AFF3: variants seen among roughly 807,000 people sequenced by gnomAD.
AFF3 encodes AF4/FMR2 family member 3.
AFF3 carries 32 observed loss-of-function variants against 129.7 expected under a neutral mutation model. The observed-to-expected ratio is 0.25, with a 90% CI of 0.19 to 0.33. The LOEUF (loss-of-function observed/expected upper bound fraction) is 0.33. AFF3 is among the 10% of genes least tolerant of loss of function. The probability of loss-of-function intolerance (pLI) is 1.00; values close to 1 mark genes in which losing one functional copy is unlikely to be tolerated. For synonymous variants in AFF3, 644 were observed against 635.4 expected, an observed-to-expected ratio of 1.01 and a Z score of -0.20; for missense variants, 1,373 against 1,592.0, an observed-to-expected ratio of 0.86 and a Z score of 2.34.
intron 4 of AFF3, among the ~76,000 whole-genome samples, chr2:100,018,116 C>T (rs998488962): frequency 6.6e-6 from 1 of 152,034 alleles, no homozygotes; most frequent in Non-Finnish European, 1.5e-5. Flanking sequence ...TGACACAGCA[C>T]TAGCAGTGAA....
At chr2:99,683,761 T>C (rs1674761620) in intron 11 of AFF3, among the ~76,000 whole-genome samples, 1 of 152,202 alleles carries the variant, frequency 6.6e-6, no homozygotes, top group East Asian at 1.9e-4. Context: ...TCTTAATTTC[T>C]CGACCACCTC....
intron 7 of AFF3, among the ~76,000 whole-genome samples, chr2:99,914,482 GACA>G (rs1234993148): frequency 3.9e-5 from 6 of 152,164 alleles, no homozygotes; most frequent in African/African-American, 1.4e-4. Flanking sequence ...CCATCATTAG[GACA>G]ACGTGAGAAA....
intron 8 of AFF3, among the ~76,000 whole-genome samples, chr2:99,773,115 ACT>A (rs1328006997): frequency 6.6e-6 from 1 of 152,110 alleles, no homozygotes; most frequent in South Asian, 2.1e-4. Context: ...CTTCAAGAAG[ACT>A]CACACTGTTC....
rs569599347 is a variant in AFF3 at position 100,033,568 on chromosome 2, C to T, written c.54-24636G>A. Among the ~76,000 whole-genome samples the T allele has an allele frequency of 2.6e-5, 4 of 152,134 alleles. No homozygotes were observed. In the South Asian group the frequency reaches 6.2e-4, roughly 24 times the overall value. On this transcript the variant is annotated intron_variant, in intron 4 of 24. Coordinates refer to ENST00000672756, the MANE Select transcript of AFF3 (RefSeq NM_001386135.1). ...TGACATTTCTATGAAACACAGAGTA[C>T]CTAATTGTAACTTAACATTTTAATT... is the stretch of plus-strand genomic sequence containing the variant.
intron 8 of AFF3, among the ~76,000 whole-genome samples, chr2:99,808,045 G>T (rs1010344706): frequency 3.4e-5 from 4 of 117,178 alleles, no homozygotes; most frequent in Non-Finnish European, 8.5e-5. Flanking sequence ...TCGCCAATGG[G>T]GTGAAGGGGA....
In AFF3 at chr2:99,593,438, C is replaced by T; in HGVS notation, c.2223G>A (p.Gln741=). 2 of 1,614,052 alleles carry T rather than the reference C, an allele frequency of 1.2e-6. No homozygotes were observed. The highest frequency in any genetic ancestry group is 8.5e-7 in the Non-Finnish European group (1 of 1,179,990). The change falls in exon 15 of 25, where the codon CAG becomes CAA. Residue 741 remains glutamine, a synonymous_variant. Transcript: ENST00000672756. ...TSDIAKELEE[Q]FYTLVPFGRN... The stretch of plus-strand genomic sequence containing the variant: ...GGCCAAAGGGGACCAGTGTGTAGAA[C>T]TGCTCCTCCAGCTCCTTGGCGATGT...
At chr2:99,855,650 G>A (rs551468326) in intron 7 of AFF3, among the ~76,000 whole-genome samples, 2 of 152,220 alleles carry the variant, frequency 1.3e-5, no homozygotes, top group Admixed American at 1.3e-4. Context: ...TAAATAAATA[G>A]GATAGGATAA....
At chr2:99,950,111 G>A (rs1676003405) in intron 7 of AFF3, among the ~76,000 whole-genome samples, 1 of 152,140 alleles carries the variant, frequency 6.6e-6, no homozygotes, top group Non-Finnish European at 1.5e-5. Flanking sequence ...CAGGAGGCAG[G>A]CAACAACACA....
chr2:99,633,013 G>A lies in AFF3; in HGVS notation c.1184+16613C>T, dbSNP rs145949825. ...GTCAAGGCCAATGGCGAATCATGTC[G>A]CTTTTTGTTTTTTTAGTGCGACTGT... On this transcript the variant is annotated intron_variant, in intron 13 of 24. Transcript: ENST00000672756. Among the ~76,000 whole-genome samples the A allele has an allele frequency of 3.9e-5, 6 of 152,162 alleles. No homozygotes were observed. In the East Asian group the frequency reaches 5.8e-4, roughly 15 times the overall value.
chr2:99,947,509 AAAAG>A (rs1443021526), intron 7 of AFF3, among the ~76,000 whole-genome samples: 2 of 103,644 alleles, frequency 1.9e-5, no homozygotes, highest in Non-Finnish European at 4.0e-5. Context: ...GAAAGAAAGA[AAAAG>A]AGAGAGAGAG....
rs924497437 is a variant in AFF3 at position 99,941,642 on chromosome 2, A to C, written c.873+64990T>G. 2.6e-5 allele frequency among the ~76,000 whole-genome samples: 4 copies of C among 152,336 alleles called. 1 individual carries two copies. In the South Asian group the frequency reaches 6.2e-4, roughly 24 times the overall value. Reference sequence around the variant, plus strand: ...TGTTCAATGAGATCAAAGAAGCTCTATCTGGGGGCTTCTTACAAAGCTTCC... The same window carrying C: ...TGTTCAATGAGATCAAAGAAGCTCTCTCTGGGGGCTTCTTACAAAGCTTCC... On this transcript the variant is annotated intron_variant, in intron 7 of 24. Transcript: ENST00000672756.
At chr2:99,708,447 G>A (rs188285726) in intron 11 of AFF3, among the ~76,000 whole-genome samples, 2 of 152,232 alleles carry the variant, frequency 1.3e-5, no homozygotes, top group East Asian at 1.9e-4. Flanking sequence ...GGTCTCACTC[G>A]GTGTCAGGCC....
chr2:99,680,220 T>C (rs947300864), intron 11 of AFF3, among the ~76,000 whole-genome samples: 1 of 152,140 alleles, frequency 6.6e-6, no homozygotes, highest in Non-Finnish European at 1.5e-5. Flanking sequence ...ATATACTCTA[T>C]CATTTCTATC....
At chr2:99,746,519 A>G (rs891622129) in intron 9 of AFF3, among the ~76,000 whole-genome samples, 6 of 152,218 alleles carry the variant, frequency 3.9e-5, no homozygotes, top group Non-Finnish European at 7.3e-5. Flanking sequence ...GATGCCTAAT[A>G]AACCTCTTTC....
chr2:99,753,112 A>ATTT (rs1488814857), intron 8 of AFF3, among the ~76,000 whole-genome samples: 2 of 151,948 alleles, frequency 1.3e-5, no homozygotes, highest in East Asian at 1.9e-4. Context: ...TATTATTATT[A>ATTT]TTTTTTGAGA....
rs534506772 is a variant in AFF3, at chr2:99,928,126, C to T, written c.873+78506G>A. Among the ~76,000 whole-genome samples the T allele has an allele frequency of 7.2e-5, 11 of 152,298 alleles. No individual in the cohort carries two copies. In the South Asian group the frequency reaches 2.1e-3, roughly 29 times the overall value. ...CGTGGAACTGTAAGTCCAATTAAAC[C>T]TCTTTCGTTTGTAAACTGCCCGGTC... On this transcript the variant is annotated intron_variant, in intron 7 of 24. Transcript: ENST00000672756.
intron 11 of AFF3, chr2:99,707,070 C>T (rs906491452): frequency 1.0e-6 from 1 of 982,458 alleles, no homozygotes; most frequent in African/African-American, 1.8e-5. Context: ...TTTGAAATAC[C>T]GAAGATATAA....
intron 7 of AFF3, among the ~76,000 whole-genome samples, chr2:99,987,730 A>G (rs908009971): frequency 6.6e-6 from 1 of 152,200 alleles, no homozygotes; most frequent in African/African-American, 2.4e-5. Context: ...TTCACCTGTG[A>G]GCCTACTCTT....
chr2:99,661,490 T>C (rs966836868), intron 12 of AFF3, among the ~76,000 whole-genome samples: 2 of 152,264 alleles, frequency 1.3e-5, no homozygotes, highest in Admixed American at 6.5e-5. Flanking sequence ...GGTTTTTATA[T>C]AATTTTCTTT....
Sources: gnomAD v4.1 joint callset for allele counts (sites outside exome capture counted in the v4.1 genomes callset) on GRCh38, gnomAD v4.1.1 for gene constraint, MANE v1.5 for transcripts, NCBI Gene and HGNC (gene_info 2026-07-23, HGNC 2026-07-21) for gene names.